The following TMEM209 variants were observed in gnomAD, a reference collection of about 807,000 sequenced individuals.
TMEM209 encodes the protein testicular tissue protein Li 202.
TMEM209 carries 65 observed loss-of-function variants against 76.2 expected under a neutral mutation model. The observed-to-expected ratio is 0.85, with a 90% CI of 0.70 to 1.05. The LOEUF (loss-of-function observed/expected upper bound fraction) is 1.05, where lower values mean the gene tolerates loss of function less well. TMEM209 is among the 50% of genes least tolerant of loss of function. TMEM209 has a pLI of 0.00. For missense variants in TMEM209, 623 were observed against 685.5 expected (o/e 0.91, Z 1.02); for synonymous variants, 239 against 237.6 (o/e 1.01, Z -0.06).
intron 1 of TMEM209, among the ~76,000 whole-genome samples, chr7:130,204,727 T>C (rs186664398): frequency 3.9e-5 from 6 of 152,362 alleles, no homozygotes; most frequent in Admixed American, 1.3e-4. Flanking sequence ...AGAAATACTT[T>C]GTATTTTGTC....
chr7:130,184,843 G>A (rs750569629), intron 7 of TMEM209, among the ~76,000 whole-genome samples: 13 of 152,172 alleles, frequency 8.5e-5, no homozygotes, highest in Non-Finnish European at 1.8e-4. Context: ...GTATTAAAGT[G>A]ACGAAATTAC....
chr7:130,184,595 C>A (rs1370527863), intron 7 of TMEM209, among the ~76,000 whole-genome samples: 1 of 150,982 alleles, frequency 6.6e-6, no homozygotes, highest in Admixed American at 6.6e-5. Context: ...CAGGTTCAAG[C>A]AATCCTCCCG....
intron 6 of TMEM209, among the ~76,000 whole-genome samples, chr7:130,185,709 T>G (rs1354653997): frequency 6.6e-6 from 1 of 152,194 alleles, no homozygotes; most frequent in East Asian, 1.9e-4. Flanking sequence ...AGGAAATAAA[T>G]AGGCCAAGCA....
intron 5 of TMEM209, among the ~76,000 whole-genome samples, chr7:130,201,088 CAAAAAAAAAAAA>C (rs869309249): frequency 6.7e-5 from 5 of 74,168 alleles, no homozygotes; most frequent in African/African-American, 3.0e-4. Context: ...GACTCTGTCT[CAAAAAAAAAAAA>C]AAAAAAAAAA....
At chr7:130,179,501 G>C (rs1797343008) in intron 9 of TMEM209, among the ~76,000 whole-genome samples, 1 of 152,160 alleles carries the variant, frequency 6.6e-6, no homozygotes, top group East Asian at 1.9e-4. Context: ...TTTTATGGTA[G>C]TGATTTCTTT....
At chr7:130,176,182 G>T (rs1394143987) in intron 10 of TMEM209, among the ~76,000 whole-genome samples, 1 of 147,998 alleles carries the variant, frequency 6.8e-6, no homozygotes, top group Admixed American at 6.8e-5. Flanking sequence ...GTGTGATCTC[G>T]GCTCACTGCA....
At position 130,166,378 on chromosome 7, in the gene TMEM209, G is replaced by T; in HGVS notation, c.*73C>A. 3 of 1,228,078 alleles carry T rather than the reference G, an allele frequency of 2.4e-6. No homozygotes were observed. The highest frequency in any genetic ancestry group is 3.4e-6 in the Non-Finnish European group (3 of 881,140). The allele number at this position is 1,228,078 out of a possible 1,614,324, so 76.1% of individuals were successfully genotyped here. On this transcript the variant is annotated 3_prime_UTR_variant, in exon 15 of 15. Coordinates refer to ENST00000397622, the MANE Select transcript of TMEM209 (RefSeq NM_032842.4). Reference sequence around the variant, plus strand: ...TGTATTTTATTTCAGAAGAGTCAGTGGCTCAGAGATGTTTAGTTTCGACTT... The same window carrying T: ...TGTATTTTATTTCAGAAGAGTCAGTTGCTCAGAGATGTTTAGTTTCGACTT...
intron 5 of TMEM209, among the ~76,000 whole-genome samples, chr7:130,194,025 C>T (rs375987513): frequency 6.6e-6 from 1 of 151,616 alleles, no homozygotes; most frequent in Admixed American, 6.6e-5. Context: ...GGTGAAACCC[C>T]GTCTCTACTA....
intron 8 of TMEM209, among the ~76,000 whole-genome samples, chr7:130,182,817 G>C (rs1274417646): frequency 3.9e-5 from 6 of 152,100 alleles, no homozygotes; most frequent in African/African-American, 1.4e-4. Context: ...AAGATTTCTT[G>C]TAATCCATGT....
intron 5 of TMEM209, among the ~76,000 whole-genome samples, chr7:130,193,494 G>A (rs1171541527): frequency 6.6e-6 from 1 of 151,578 alleles, no homozygotes; most frequent in Non-Finnish European, 1.5e-5. Flanking sequence ...AGCCAAGATC[G>A]CGCGACTGCA....
chr7:130,176,007 A>C (rs548508287), intron 10 of TMEM209, among the ~76,000 whole-genome samples: 1 of 152,308 alleles, frequency 6.6e-6, no homozygotes, highest in African/African-American at 2.4e-5. Context: ...TTCAAATGGC[A>C]CAACAAGAAA....
intron 5 of TMEM209, among the ~76,000 whole-genome samples, chr7:130,196,932 A>G (rs1798004482): frequency 6.6e-6 from 1 of 152,318 alleles, no homozygotes; most frequent in African/African-American, 2.4e-5. Flanking sequence ...AGTGGCTACA[A>G]ACCATGGTAT....
chr7:130,166,407 G>T lies in TMEM209; in HGVS notation c.*44C>A, dbSNP rs536176063. On this transcript the variant is annotated 3_prime_UTR_variant, in exon 15 of 15. Transcript: ENST00000397622. ...CAGAGATGTTTAGTTTCGACTTCTG[G>T]TTCAGTGAAATAGTCTAAATGTCAG... 6 of 1,489,628 alleles carry T rather than the reference G, an allele frequency of 4.0e-6. No individual in the cohort carries two copies. In the East Asian group the frequency reaches 1.5e-4, roughly 37 times the overall value. 92.3% of individuals were successfully genotyped at this position (1,489,628 alleles called of 1,614,324 possible).
intron 1 of TMEM209, chr7:130,204,962 C>A: frequency 9.1e-7 from 1 of 1,098,524 alleles, no homozygotes; most frequent in Non-Finnish European, 1.1e-6. Context: ...TAGAAGGGCA[C>A]GTACTTATGA....
chr7:130,188,527 C>T (rs959423658), intron 6 of TMEM209, among the ~76,000 whole-genome samples: 3 of 134,464 alleles, frequency 2.2e-5, no homozygotes, highest in African/African-American at 5.8e-5. Flanking sequence ...ACCCGGGAGG[C>T]GGAGCTTGCA....
At position 130,166,394 on chromosome 7, in the gene TMEM209, G is replaced by T; in HGVS notation, c.*57C>A. On this transcript the variant is annotated 3_prime_UTR_variant, in exon 15 of 15. Coordinates refer to ENST00000397622, the MANE Select transcript of TMEM209 (RefSeq NM_032842.4). ...AGAGTCAGTGGCTCAGAGATGTTTA[G>T]TTTCGACTTCTGGTTCAGTGAAATA... is the stretch of plus-strand genomic sequence containing the variant. 7.0e-7 allele frequency: 1 copy of T among 1,436,804 alleles called. No homozygotes were observed. Among genetic ancestry groups the T allele is most frequent in the Non-Finnish European group, 9.4e-7 (1 of 1,061,078 alleles). 89.0% of individuals were successfully genotyped at this position (1,436,804 alleles called of 1,614,324 possible). A position where few individuals can be genotyped will look rare whatever the true frequency, so the allele number is the denominator to read the frequency against.
rs191929578 is a variant in TMEM209 at position 130,178,985 on chromosome 7, A to G, written c.1121-458T>C. ...TTCTATTTAGTAGAGACAAGGTCTCACTATATTGCCTAGGCTGGTCTCAAA... is the reference window on the plus strand; with the variant it reads ...TTCTATTTAGTAGAGACAAGGTCTCGCTATATTGCCTAGGCTGGTCTCAAA... On this transcript the variant is annotated intron_variant, in intron 9 of 14. Coordinates refer to ENST00000397622, the MANE Select transcript of TMEM209 (RefSeq NM_032842.4). Among the ~76,000 whole-genome samples, 10 of 152,158 alleles carry G rather than the reference A, an allele frequency of 6.6e-5. No homozygotes were observed. In the East Asian group the frequency reaches 1.9e-3, roughly 29 times the overall value.
rs776390630 is a variant in TMEM209 at position 130,202,083 on chromosome 7, T to C, written c.340A>G (p.Thr114Ala). 2 of 1,610,542 alleles carry C rather than the reference T, an allele frequency of 1.2e-6. No individual in the cohort carries two copies. The highest frequency in any genetic ancestry group is 2.2e-5 in the South Asian group (2 of 90,896). The change falls in exon 5 of 15, where the codon ACT becomes GCT. Residue 114 changes from threonine (T) to alanine (A), a missense_variant. Transcript: ENST00000397622. ...LLGLKTAVVQ[T>A]TPPHDLAATQ... is the part of the protein sequence containing the mutation. ...GCTGCCAGATCATGTGGAGGCGTAG[T>C]CTGTACAACTAGAAGGAAAAAAAAA... is the stretch of plus-strand genomic sequence containing the variant.
chr7:130,196,579 T>G (rs1269394544), intron 5 of TMEM209, among the ~76,000 whole-genome samples: 2 of 152,160 alleles, frequency 1.3e-5, no homozygotes, highest in African/African-American at 4.8e-5. Flanking sequence ...ATGTGGCTGT[T>G]TTTGAAGTAA....
Sources: gnomAD v4.1 joint callset for allele counts (sites outside exome capture counted in the v4.1 genomes callset) on GRCh38, gnomAD v4.1.1 for gene constraint, MANE v1.5 for transcripts, NCBI Gene and HGNC (gene_info 2026-07-23, HGNC 2026-07-21) for gene names.